Variants in NOX5 observed in about 807,000 individuals in gnomAD.
NOX5 encodes the protein NADPH oxidase, EF-hand calcium binding domain 5.
A neutral mutation model predicts 85.7 loss-of-function variants in NOX5; 76 were observed. The observed-to-expected ratio is 0.89, with a 90% confidence interval of 0.74 to 1.07. The LOEUF (loss-of-function observed/expected upper bound fraction) is 1.07, where lower values mean the gene tolerates loss of function less well. Among genes scored for constraint, NOX5 ranks in the 50% least tolerant of loss-of-function variants. The pLI, the probability that NOX5 is intolerant of heterozygous loss-of-function variation, is 0.00. For synonymous variants in NOX5, 405 were observed against 401.4 expected (o/e 1.01, Z -0.11); for missense variants, 973 against 999.5 (o/e 0.97, Z 0.36).
In NOX5 at chr15:69,056,763, C is replaced by A; in HGVS notation, c.*67C>A. 1.3e-6 allele frequency: 2 copies of A among 1,572,968 alleles called. No individual in the cohort carries two copies. Among genetic ancestry groups the A allele is most frequent in the South Asian group, 1.2e-5 (1 of 83,984 alleles). ...CTGCTTCATTGCATTAGTATAAATG[C>A]CCCCACAGGGACCAGCCTCAGATGA... On this transcript the variant is annotated 3_prime_UTR_variant, in exon 16 of 16. Transcript: ENST00000388866.
rs1335971562 is a variant in NOX5, at chr15:69,042,805, G to A, written c.1647G>A (p.Lys549=). The change falls in exon 10 of 16, where the codon AAG becomes AAA. Residue 549 remains lysine, a splice_region_variant and synonymous_variant. Transcript: ENST00000388866. The part of the protein sequence containing the change: ...VTMRKSQRSS[K]GSEILLEKHK... ...TGAGAAAGAGTCAAAGGTCGTCCAA[G>A]GTAGGTGGCTACTGGAGGGAAGGGG... 1 of 1,613,108 alleles carries A rather than the reference G, an allele frequency of 6.2e-7. No individual in the cohort carries two copies. The highest frequency in any genetic ancestry group is 8.5e-7 in the Non-Finnish European group (1 of 1,179,582).
chr15:69,056,103 G>C (rs1334090147), intron 15 of NOX5, among the ~76,000 whole-genome samples: 1 of 152,108 alleles, frequency 6.6e-6, no homozygotes, highest in Non-Finnish European at 1.5e-5. Context: ...TTCATAAGCA[G>C]AATTTGGGGT....
At position 69,033,135 on chromosome 15, in the gene NOX5, A is replaced by C; in HGVS notation, c.713A>C (p.Gln238Pro). The change falls in exon 5 of 16, where the codon CAG (glutamine) becomes CCG (proline). Residue 238 changes from glutamine to proline, a missense_variant. Gln to Pro is a moderately conservative substitution (Grantham distance 76). Transcript: ENST00000388866. Reference sequence around the variant, plus strand: ...GCCTACTGGCACAACCACCGCAGCCAGCTGTTCTGCCTGGCCACCTATGCA... The same window carrying C: ...GCCTACTGGCACAACCACCGCAGCCCGCTGTTCTGCCTGGCCACCTATGCA... ...TRAYWHNHRS[Q>P]LFCLATYAGL... 8 of 1,568,310 alleles carry C rather than the reference A, an allele frequency of 5.1e-6. No individual in the cohort carries two copies. Among genetic ancestry groups the C allele is most frequent in the Non-Finnish European group, 6.9e-6 (8 of 1,163,460 alleles).
At chr15:69,026,219 C>G (rs960149084) in intron 1 of NOX5, among the ~76,000 whole-genome samples, 1 of 152,188 alleles carries the variant, frequency 6.6e-6, no homozygotes. Flanking sequence ...TTAATGCAGT[C>G]GCAGCATGCC....
chr15:69,052,569 C>G (rs990256546), intron 14 of NOX5, among the ~76,000 whole-genome samples: 1 of 152,206 alleles, frequency 6.6e-6, no homozygotes, highest in African/African-American at 2.4e-5. Context: ...TCGTATTTGA[C>G]TATTTAATTA....
intron 14 of NOX5, among the ~76,000 whole-genome samples, chr15:69,054,355 C>T (rs2050784579): frequency 6.6e-6 from 1 of 152,206 alleles, no homozygotes; most frequent in Non-Finnish European, 1.5e-5. Flanking sequence ...TTGTGGGCTC[C>T]TTCGTCCCAG....
Position 69,033,115 on chromosome 15 carries a change from C to G in NOX5, c.693C>G (p.Tyr231Ter). Residue 231 changes from tyrosine to a stop codon, truncating the protein, a stop_gained, in exon 5 of 16, where the codon TAC (tyrosine) becomes TAG (stop). Transcript: ENST00000388866. LOFTEE classifies it high-confidence loss of function. ...PRRPRQLTRA[Y>*]WHNHRSQLFC... The stretch of plus-strand genomic sequence containing the variant: ...GGCCGCGCCAGCTGACCCGCGCCTA[C>G]TGGCACAACCACCGCAGCCAGCTGT... 1 of 1,559,174 alleles carries G rather than the reference C, an allele frequency of 6.4e-7. No homozygotes were observed. Among genetic ancestry groups the G allele is most frequent in the Non-Finnish European group, 8.6e-7 (1 of 1,158,656 alleles).
In NOX5 at chr15:69,047,914, G is replaced by A; in HGVS notation, c.1899+3G>A. 6.2e-7 allele frequency: 1 copy of A among 1,613,942 alleles called. No homozygotes were observed. Among genetic ancestry groups the A allele is most frequent in the Non-Finnish European group, 8.5e-7 (1 of 1,179,838 alleles). On this transcript the variant is annotated splice_donor_region_variant and intron_variant, in intron 13 of 15. Coordinates refer to ENST00000388866, the MANE Select transcript of NOX5 (RefSeq NM_024505.4). ...AAGACAACATGAAGCTCCATAAGGT[G>A]AGTACCACCTCCTGCAGGCAGGCCT...
chr15:69,042,613 GTGCCGGTC>G, intron 9 of NOX5, 42 bp from the exon 10 acceptor site: 1 of 1,580,522 alleles, frequency 6.3e-7, no homozygotes, highest in Non-Finnish European at 8.6e-7. Flanking sequence ...TTGCTCCCTG[GTGCCGGTC>G]ACTATGGACC....
chr15:69,055,402 C>T lies in NOX5; in HGVS notation c.2068C>T (p.Leu690=). ...LGKNDMKAIG[L]QMALDLLANK... Reference sequence around the variant, plus strand: ...CAAGAATGACATGAAGGCCATTGGCCTGCAGATGGCCCTTGACCTCCTGGC... The same window carrying T: ...CAAGAATGACATGAAGGCCATTGGCTTGCAGATGGCCCTTGACCTCCTGGC... Residue 690 remains leucine, a synonymous_variant, in exon 15 of 16, where the codon CTG becomes TTG. Transcript: ENST00000388866. 1 of 1,614,200 alleles carries T rather than the reference C, an allele frequency of 6.2e-7. No individual in the cohort carries two copies. Among genetic ancestry groups the T allele is most frequent in the Non-Finnish European group, 8.5e-7 (1 of 1,180,028 alleles).
intron 12 of NOX5, 128 bp from the exon 13 acceptor site, chr15:69,047,702 C>G: frequency 7.7e-7 from 1 of 1,292,638 alleles, no homozygotes; most frequent in Non-Finnish European, 1.1e-6. Flanking sequence ...TTTTGTGTCT[C>G]ATCCCTCCCC....
chr15:69,042,919 G>A, intron 10 of NOX5, 114 bp downstream of exon 10: 1 of 1,149,176 alleles, frequency 8.7e-7, no homozygotes, highest in Non-Finnish European at 1.2e-6. Flanking sequence ...GTACATAGAT[G>A]GCAGCACAAG....
At chr15:69,034,491 T>C (rs1283839728) in intron 5 of NOX5, among the ~76,000 whole-genome samples, 1 of 152,260 alleles carries the variant, frequency 6.6e-6, no homozygotes, top group Non-Finnish European at 1.5e-5. Context: ...CTGTGGTTTC[T>C]CTGCTGGGAA....
At chr15:69,045,536 T>TCTTTCTTTCTTTCTTTC (rs1555437202) in intron 10 of NOX5, among the ~76,000 whole-genome samples, 74 of 94,556 alleles carry the variant, frequency 7.8e-4, no homozygotes, top group Non-Finnish European at 1.2e-3. Flanking sequence ...TTCCTTTCTT[T>TCTTTCTTTCTTTCTTTC]TTTCTTTCTT....
At chr15:69,047,947 T>G in intron 13 of NOX5, 36 bp downstream of exon 13, 1 of 1,590,806 alleles carries the variant, frequency 6.3e-7, no homozygotes, top group South Asian at 1.1e-5. Flanking sequence ...CCTCCAGACC[T>G]TCTCCCCTGG....
intron 14 of NOX5, 127 bp from the exon 15 acceptor site, chr15:69,055,207 A>T: frequency 9.9e-7 from 1 of 1,015,110 alleles, no homozygotes; most frequent in Non-Finnish European, 1.4e-6. Context: ...TGGTTACACA[A>T]CAGATCCTGG....
Position 69,038,851 on chromosome 15 carries a change from T to A in NOX5, c.1372-6T>A, listed in dbSNP as rs1173004685. On this transcript the variant is annotated splice_polypyrimidine_tract_variant and splice_region_variant and intron_variant, in intron 8 of 15. Transcript: ENST00000388866. ...GAATGATGCAGATCTCCTTCCTCTT[T>A]CCCAGGTCACTCATCTCCTCATCAA... The A allele has an allele frequency of 6.2e-7, 1 of 1,614,046 alleles. No individual in the cohort carries two copies. Among genetic ancestry groups the A allele is most frequent in the Non-Finnish European group, 8.5e-7 (1 of 1,180,030 alleles).
intron 1 of NOX5, chr15:69,023,135 G>A (rs922519610): frequency 1.1e-5 from 4 of 379,256 alleles, no homozygotes; most frequent in African/African-American, 6.5e-5. Flanking sequence ...CACTGCTGTG[G>A]TATTAAACAG....
rs2050819314 is a variant in NOX5 at position 69,056,883 on chromosome 15, A to G, written c.*187A>G. The G allele has an allele frequency of 1.6e-6, 1 of 610,778 alleles. No homozygotes were observed. Among genetic ancestry groups the G allele is most frequent in the Admixed American group, 3.3e-5 (1 of 30,342 alleles). 37.8% of individuals were successfully genotyped at this position (610,778 alleles called of 1,614,324 possible). ...GGCAGATGAACTTCCTCTAGAACCC[A>G]GGGGAAGGGACAGTGCCTTGTTCAG... On this transcript the variant is annotated 3_prime_UTR_variant, in exon 16 of 16. Transcript: ENST00000388866.
Sources: allele counts gnomAD v4.1 joint callset (sites outside exome capture counted in the v4.1 genomes callset), GRCh38; gene constraint gnomAD v4.1.1; transcripts MANE v1.5; gene names NCBI Gene and HGNC (gene_info 2026-07-23, HGNC 2026-07-21).